The following CPQ variants were observed in gnomAD, a reference collection of about 807,000 sequenced individuals.
CPQ encodes the protein Ser-Met dipeptidase.
Under a neutral mutation model 45.7 loss-of-function variants are expected in CPQ, and 37 were observed. The ratio of observed to expected loss-of-function variants is 0.81; its 90% CI spans 0.62 to 1.07. CPQ has a LOEUF of 1.07. Among genes scored for constraint, CPQ ranks in the 50% least tolerant of loss-of-function variants. The pLI is 0.00. For synonymous variants in CPQ, 186 were observed against 205.8 expected, an observed-to-expected ratio of 0.90 and a Z score of 0.82; for missense variants, 537 against 572.9, an observed-to-expected ratio of 0.94 and a Z score of 0.64.
intron 7 of CPQ, among the ~76,000 whole-genome samples, chr8:97,069,133 T>G (rs1563571768): frequency 6.6e-6 from 1 of 152,192 alleles, no homozygotes; most frequent in African/African-American, 2.4e-5. Flanking sequence ...TCAGAAAGGT[T>G]TACATAAAGT....
intron 4 of CPQ, among the ~76,000 whole-genome samples, chr8:96,881,344 T>C (rs1256174681): frequency 6.6e-6 from 1 of 152,082 alleles, no homozygotes; most frequent in Non-Finnish European, 1.5e-5. Context: ...GTGTCTTAGA[T>C]GGCAGGAGCA....
intron 3 of CPQ, among the ~76,000 whole-genome samples, chr8:96,862,880 GCTT>G (rs938582020): frequency 5.3e-5 from 8 of 151,956 alleles, no homozygotes; most frequent in Non-Finnish European, 1.2e-4. Flanking sequence ...CCTCCATCCT[GCTT>G]CTTAGATTAC....
At chr8:97,003,062 C>T (rs757142571) in intron 5 of CPQ, among the ~76,000 whole-genome samples, 29 of 152,010 alleles carry the variant, frequency 1.9e-4, no homozygotes, top group Non-Finnish European at 3.4e-4. Flanking sequence ...AAGTCTCCTT[C>T]GTCAGAAGTT....
chr8:96,818,977 C>G (rs999278874), intron 2 of CPQ, among the ~76,000 whole-genome samples: 6 of 152,060 alleles, frequency 3.9e-5, no homozygotes, highest in African/African-American at 1.4e-4. Context: ...TCTGTGAAAT[C>G]AGGCCTGGCC....
intron 7 of CPQ, among the ~76,000 whole-genome samples, chr8:97,130,441 T>TC (rs1563589580): frequency 2.2e-4 from 18 of 83,196 alleles, no homozygotes; most frequent in Non-Finnish European, 3.9e-4. Context: ...TTTTTTTTTT[T>TC]TCCACAAAAA....
intron 1 of CPQ, among the ~76,000 whole-genome samples, chr8:96,744,200 C>T (rs866098325): frequency 1.3e-4 from 18 of 140,538 alleles, no homozygotes; most frequent in Middle Eastern, 3.7e-3. Context: ...TTAAGCCAGT[C>T]GGAAAAGCGC....
chr8:96,697,936 A>G (rs1255067936), intron 1 of CPQ, among the ~76,000 whole-genome samples: 1 of 152,172 alleles, frequency 6.6e-6, no homozygotes, highest in Non-Finnish European at 1.5e-5. Context: ...GTCCAAAGCA[A>G]TCTGCAGAAT....
intron 7 of CPQ, among the ~76,000 whole-genome samples, chr8:97,121,734 T>C: frequency 6.6e-6 from 1 of 152,074 alleles, no homozygotes; most frequent in Non-Finnish European, 1.5e-5. Flanking sequence ...AGACAGGCAC[T>C]ATAAGCAACT....
Position 96,789,929 on chromosome 8 carries a change from G to A in CPQ, c.433+4599G>A, listed in dbSNP as rs533692468. Among the ~76,000 whole-genome samples the A allele has an allele frequency of 5.9e-5, 9 of 152,240 alleles. No homozygotes were observed. The East Asian group carries it at 1.7e-3, about 29-fold the overall frequency. Reference sequence around the variant, plus strand: ...CCTGAGTAGGTATGACCTAGGACATGTGTGTAGCTTTTCAACCCCCAGGGT... The same window carrying A: ...CCTGAGTAGGTATGACCTAGGACATATGTGTAGCTTTTCAACCCCCAGGGT... On this transcript the variant is annotated intron_variant, in intron 2 of 7. Coordinates refer to ENST00000220763, the MANE Select transcript of CPQ (RefSeq NM_016134.4).
chr8:96,881,830 G>A (rs188324190), intron 4 of CPQ, among the ~76,000 whole-genome samples: 13 of 152,324 alleles, frequency 8.5e-5, no homozygotes, highest in Non-Finnish European at 1.8e-4. Context: ...TGAGTGTTTG[G>A]CACATCACAG....
intron 1 of CPQ, among the ~76,000 whole-genome samples, chr8:96,734,454 G>A (rs988097135): frequency 1.3e-5 from 2 of 152,184 alleles, no homozygotes; most frequent in African/African-American, 4.8e-5. Flanking sequence ...GGTCACGCCT[G>A]TAATCCCAGC....
At chr8:96,674,049 A>G (rs1218566105) in intron 1 of CPQ, among the ~76,000 whole-genome samples, 1 of 152,164 alleles carries the variant, frequency 6.6e-6, no homozygotes, top group Non-Finnish European at 1.5e-5. Context: ...GTTCAACTAG[A>G]AGCAACAAAA....
chr8:96,757,263 A>G (rs1810338056), intron 1 of CPQ, among the ~76,000 whole-genome samples: 1 of 151,794 alleles, frequency 6.6e-6, no homozygotes. Context: ...AGGCACAAGA[A>G]TCACTTGAAC....
intron 1 of CPQ, among the ~76,000 whole-genome samples, chr8:96,763,997 T>C (rs1439401826): frequency 6.6e-6 from 1 of 152,194 alleles, no homozygotes; most frequent in East Asian, 1.9e-4. Context: ...AACATACACT[T>C]ACATGGTCCA....
In CPQ at chr8:97,142,952, G is replaced by A. The variant is rs556339789; in HGVS notation, c.1256-68G>A. ...AATAGGAGCAGGCAAAAGTGAAGGG[G>A]GAGAGGTGTGTATTCAGCAGTGTCT... On this transcript the variant is annotated intron_variant, in intron 7 of 7. Transcript: ENST00000220763. 36 of 1,483,170 alleles carry A rather than the reference G, an allele frequency of 2.4e-5. No homozygotes were observed. In the South Asian group the frequency reaches 2.6e-4, roughly 11 times the overall value. 91.9% of individuals were successfully genotyped at this position (1,483,170 alleles called of 1,614,324 possible). A position where few individuals can be genotyped will look rare whatever the true frequency, so the allele number is the denominator to read the frequency against.
At chr8:97,072,054 G>C (rs566297167) in intron 7 of CPQ, among the ~76,000 whole-genome samples, 40 of 152,214 alleles carry the variant, frequency 2.6e-4, no homozygotes, top group Middle Eastern at 6.8e-3. Flanking sequence ...CCTAAAACAA[G>C]TTTCTTAAAC....
intron 2 of CPQ, among the ~76,000 whole-genome samples, chr8:96,795,313 CGAT>C (rs1326085793): frequency 2.6e-5 from 4 of 152,208 alleles, no homozygotes; most frequent in Admixed American, 2.0e-4. Context: ...CCTTTTAAAA[CGAT>C]GAGATCTTGT....
At chr8:97,072,886 A>G (rs568319612) in intron 7 of CPQ, among the ~76,000 whole-genome samples, 1 of 152,184 alleles carries the variant, frequency 6.6e-6, no homozygotes, top group South Asian at 2.1e-4. Flanking sequence ...TGAATTCCTC[A>G]GAATTCTCAG....
intron 4 of CPQ, among the ~76,000 whole-genome samples, chr8:96,933,580 G>GA (rs1813002856): frequency 6.6e-6 from 1 of 152,166 alleles, no homozygotes; most frequent in African/African-American, 2.4e-5. Context: ...AAAACAGGGA[G>GA]AGGAAGCACA....
Sources: gnomAD v4.1 joint callset for allele counts (sites outside exome capture counted in the v4.1 genomes callset) on GRCh38, gnomAD v4.1.1 for gene constraint, MANE v1.5 for transcripts, NCBI Gene and HGNC (gene_info 2026-07-23, HGNC 2026-07-21) for gene names.